GTPBP4: variants seen among roughly 807,000 people sequenced by gnomAD.
The protein encoded by GTPBP4 is GTP-binding protein 4.
Under a neutral mutation model 81.7 loss-of-function variants are expected in GTPBP4, and 15 were observed. The ratio of observed to expected loss-of-function variants is 0.18; its 90% CI spans 0.12 to 0.28. The LOEUF (loss-of-function observed/expected upper bound fraction) is 0.28. Among genes scored for constraint, GTPBP4 ranks in the 10% least tolerant of loss-of-function variants. GTPBP4 has a pLI of 1.00. For missense variants in GTPBP4, 847 were observed against 793.8 expected, an observed-to-expected ratio of 1.07 and a Z score of -0.81; for synonymous variants, 272 against 274.6, an observed-to-expected ratio of 0.99 and a Z score of 0.09.
intron 8 of GTPBP4, among the ~76,000 whole-genome samples, chr10:1,004,735 C>G (rs960275039): frequency 1.3e-5 from 2 of 152,144 alleles, no homozygotes; most frequent in South Asian, 4.1e-4. Flanking sequence ...CCACCTCCAC[C>G]AAGCCCTGCT....
At chr10:995,320 G>A (rs561452624) in intron 2 of GTPBP4, among the ~76,000 whole-genome samples, 2 of 152,168 alleles carry the variant, frequency 1.3e-5, no homozygotes, top group South Asian at 2.1e-4. Flanking sequence ...GGAAAATACC[G>A]CAGGCAGGAT....
At chr10:992,467 G>A in intron 1 of GTPBP4, 22 bp from the exon 2 acceptor site, 1 of 1,463,716 alleles carries the variant, frequency 6.8e-7, no homozygotes, top group Non-Finnish European at 9.5e-7. Flanking sequence ...ATGTAATTAT[G>A]TTTTATTTTC....
In GTPBP4 at chr10:1,008,839, G is replaced by T. The variant is rs11253568; in HGVS notation, c.1114-119G>T. 2,483 of 784,812 alleles carry T rather than the reference G, an allele frequency of 3.2e-3. 48 individuals are homozygous for T. In the African/African-American group the frequency reaches 0.037, roughly 12 times the overall value. The allele number at this position is 784,812 out of a possible 1,614,324, so 48.6% of individuals were successfully genotyped here. A position where few individuals can be genotyped will look rare whatever the true frequency, so the allele number is the denominator to read the frequency against. On this transcript the variant is annotated intron_variant, in intron 10 of 16. Coordinates refer to ENST00000360803, the MANE Select transcript of GTPBP4 (RefSeq NM_012341.3). Reference sequence around the variant, plus strand: ...AAAATAATCTGTTGGTTGTTCATTGGTCTGGGTATGGTTTTCTGTTCCCCT... The same window carrying T: ...AAAATAATCTGTTGGTTGTTCATTGTTCTGGGTATGGTTTTCTGTTCCCCT...
At chr10:1,009,075 GAGGC>G in intron 11 of GTPBP4, 40 bp downstream of exon 11, 1 of 1,448,970 alleles carries the variant, frequency 6.9e-7, no homozygotes, top group Non-Finnish European at 9.7e-7. Flanking sequence ...CTCATGGGGG[GAGGC>G]AGGCTGTGTG....
chr10:1,010,504 A>C lies in GTPBP4; in HGVS notation c.1328A>C (p.Asp443Ala). 1 of 1,528,042 alleles carries C rather than the reference A, an allele frequency of 6.5e-7. No homozygotes were observed. The highest frequency in any genetic ancestry group is 1.4e-5 in the African/African-American group (1 of 73,370). The allele number at this position is 1,528,042 out of a possible 1,614,324, so 94.7% of individuals were successfully genotyped here. The change falls in exon 13 of 17, where the codon GAT (aspartate) becomes GCT (alanine). Residue 443 changes from aspartate to alanine, a missense_variant. This residue lies in a region of GTPBP4 where 600 missense variants were observed against 557.1 expected (regional missense o/e 1.08). Coordinates refer to ENST00000360803, the MANE Select transcript of GTPBP4 (RefSeq NM_012341.3). ...GGCCATAATATAGCTGATTATATTGATCCAGCCATCATGAAGGTTTGTGTC... is the reference window on the plus strand; with the variant it reads ...GGCCATAATATAGCTGATTATATTGCTCCAGCCATCATGAAGGTTTGTGTC... Reference protein sequence around the residue: ...WEGHNIADYIDPAIMKKLEEL... With the variant: ...WEGHNIADYIAPAIMKKLEEL...
At position 1,012,449 on chromosome 10, in the gene GTPBP4, A is replaced by G. The variant is rs770040433; in HGVS notation, c.1345-16A>G. On this transcript the variant is annotated splice_polypyrimidine_tract_variant and intron_variant, in intron 13 of 16. Coordinates refer to ENST00000360803, the MANE Select transcript of GTPBP4 (RefSeq NM_012341.3). ...CTCATTGTTAATTTTGCTTCATTAC[A>G]ACTCCATTTTTAAAGAAATTGGAAG... 8.9e-6 allele frequency: 14 copies of G among 1,577,166 alleles called. No homozygotes were observed. The highest frequency in any genetic ancestry group is 1.2e-5 in the South Asian group (1 of 86,598).
chr10:1,015,115 G>A (rs1831951809), intron 15 of GTPBP4, among the ~76,000 whole-genome samples: 1 of 152,098 alleles, frequency 6.6e-6, no homozygotes, highest in Admixed American at 6.5e-5. Flanking sequence ...TTTTAAATGA[G>A]AGTTCTAAGT....
At chr10:988,658 C>T (rs974840875) in intron 1 of GTPBP4, 131 bp downstream of exon 1, 14 of 669,794 alleles carry the variant, frequency 2.1e-5, no homozygotes, top group Non-Finnish European at 2.6e-5. Context: ...TGGGCCTGAC[C>T]GTCTGGCCGC....
chr10:1,005,130 T>G (rs1367552851), intron 8 of GTPBP4, among the ~76,000 whole-genome samples: 1 of 151,402 alleles, frequency 6.6e-6, no homozygotes, highest in Non-Finnish European at 1.5e-5. Context: ...GCCCAGTGTG[T>G]TTTTTTTGGT....
rs1335734744 is a variant in GTPBP4, at chr10:1,015,862, C to G, written c.1718C>G (p.Thr573Ser). Residue 573 changes from threonine to serine, a missense_variant, in exon 16 of 17, where the codon ACT (threonine) becomes AGT (serine). Physicochemically the swap from Thr to Ser is moderately conservative, Grantham distance 58. Coordinates refer to ENST00000360803, the MANE Select transcript of GTPBP4 (RefSeq NM_012341.3). ...SVARSGSCSR[T>S]PRDVSGLRDV... The stretch of plus-strand genomic sequence containing the variant: ...GCCCGGAGTGGGAGTTGCTCTCGAA[C>G]TCCACGTGACGTTTCTGGTCTTAGG... 8 of 1,613,826 alleles carry G rather than the reference C, an allele frequency of 5.0e-6. No homozygotes were observed. The highest frequency in any genetic ancestry group is 5.9e-6 in the Non-Finnish European group (7 of 1,179,744).
intron 14 of GTPBP4, among the ~76,000 whole-genome samples, chr10:1,013,336 G>A (rs183258013): frequency 1.1e-3 from 163 of 151,542 alleles, no homozygotes; most frequent in African/African-American, 3.9e-3. Flanking sequence ...TAGGCCGGGC[G>A]CAGTGGCTCA....
chr10:995,035 G>C (rs1189546290), intron 2 of GTPBP4, among the ~76,000 whole-genome samples: 1 of 152,220 alleles, frequency 6.6e-6, no homozygotes, highest in Non-Finnish European at 1.5e-5. Flanking sequence ...CCAGGAGGTG[G>C]GGCAGGCTAG....
chr10:1,017,217 A>G lies in GTPBP4; in HGVS notation c.1895A>G (p.Asp632Gly), dbSNP rs1402903877. Residue 632 changes from aspartate (D) to glycine (G), a missense_variant, in exon 17 of 17, where the codon GAC becomes GGC. Physicochemically the swap from Asp to Gly is moderately conservative, Grantham distance 94. Transcript: ENST00000360803. Reference protein sequence around the residue: ...LSGKRKAGKKDRR With the variant: ...LSGKRKAGKKGRR ...GGGAAGAGGAAAGCTGGTAAAAAGG[A>G]CAGGAGATAGTATCCGTTTGGTTGG... 1.2e-6 allele frequency: 2 copies of G among 1,613,934 alleles called. No homozygotes were observed. The highest frequency in any genetic ancestry group is 1.3e-5 in the African/African-American group (1 of 74,926).
At chr10:1,011,700 G>T (rs1033549175) in intron 13 of GTPBP4, among the ~76,000 whole-genome samples, 3 of 152,022 alleles carry the variant, frequency 2.0e-5, no homozygotes, top group Non-Finnish European at 2.9e-5. Flanking sequence ...CAGATTCTGG[G>T]GGCAACAATC....
Position 1,008,999 on chromosome 10 carries a change from G to A in GTPBP4, c.1155G>A (p.Arg385=), listed in dbSNP as rs1831802302. 6.2e-7 allele frequency: 1 copy of A among 1,613,010 alleles called. No individual in the cohort carries two copies. The highest frequency in any genetic ancestry group is 8.5e-7 in the Non-Finnish European group (1 of 1,179,060). Residue 385 remains arginine (R), a synonymous_variant, in exon 11 of 17, where the codon AGG becomes AGA. Transcript: ENST00000360803. ...PFIPEGVVAR[R]KRMETEESRK... ...TCCCTGAAGGAGTGGTGGCTCGCAG[G>A]AAGAGGATGGAAACTGAGGAGTCCA...
chr10:1,001,893 T>C (rs1224417528), intron 8 of GTPBP4, among the ~76,000 whole-genome samples: 1 of 151,860 alleles, frequency 6.6e-6, no homozygotes, highest in Non-Finnish European at 1.5e-5. Context: ...TCTGTAGATG[T>C]TTGGTCTACA....
At chr10:1,002,208 C>T (rs563988537) in intron 8 of GTPBP4, among the ~76,000 whole-genome samples, 1 of 152,220 alleles carries the variant, frequency 6.6e-6, no homozygotes, top group Non-Finnish European at 1.5e-5. Context: ...TAGGCGTGAG[C>T]CACTGCGCCT....
chr10:991,234 G>A (rs969113681), intron 1 of GTPBP4, among the ~76,000 whole-genome samples: 1 of 152,244 alleles, frequency 6.6e-6, no homozygotes, highest in Non-Finnish European at 1.5e-5. Flanking sequence ...GGAAGGGACA[G>A]TATCTTGTTC....
chr10:1,010,895 C>T (rs1171000236), intron 13 of GTPBP4, among the ~76,000 whole-genome samples: 2 of 149,756 alleles, frequency 1.3e-5, no homozygotes, highest in Admixed American at 6.6e-5. Flanking sequence ...TCCATCCTGA[C>T]TCTGCCCCCT....
Sources: gnomAD v4.1 joint callset for allele counts (sites outside exome capture counted in the v4.1 genomes callset) on GRCh38, gnomAD v4.1.1 for gene constraint, gnomAD v4.1.1 regional missense constraint, MANE v1.5 for transcripts, NCBI Gene and HGNC (gene_info 2026-07-23, HGNC 2026-07-21) for gene names.